Variants in AVL9 observed in about 807,000 individuals in gnomAD.
AVL9 encodes AVL9 cell migration associated.
AVL9 carries 49 observed loss-of-function variants against 79.2 expected under a neutral mutation model. That is an observed-to-expected ratio of 0.62 (90% CI 0.49 to 0.79). The LOEUF (loss-of-function observed/expected upper bound fraction) is 0.79, where lower values mean the gene tolerates loss of function less well. AVL9 is among the 30% of genes least tolerant of loss of function. The pLI, the probability that AVL9 is intolerant of heterozygous loss-of-function variation, is 0.00. For missense variants in AVL9, 682 were observed against 776.8 expected, an observed-to-expected ratio of 0.88 and a Z score of 1.45; for synonymous variants, 299 against 280.6, an observed-to-expected ratio of 1.07 and a Z score of -0.65.
intron 1 of AVL9, among the ~76,000 whole-genome samples, chr7:32,496,803 A>G (rs1276337069): frequency 6.6e-6 from 1 of 152,232 alleles, no homozygotes; most frequent in Non-Finnish European, 1.5e-5. Flanking sequence ...GAGTGAAAAA[A>G]TCGTGTTTGT....
intron 15 of AVL9, among the ~76,000 whole-genome samples, chr7:32,581,822 A>G (rs1791524070): frequency 6.6e-6 from 1 of 152,240 alleles, no homozygotes; most frequent in African/African-American, 2.4e-5. Flanking sequence ...AAAGAAAGAA[A>G]GAAATTAATT....
chr7:32,558,355 A>G (rs1790175832), intron 8 of AVL9, among the ~76,000 whole-genome samples: 1 of 151,322 alleles, frequency 6.6e-6, no homozygotes, highest in African/African-American at 2.4e-5. Flanking sequence ...ACGGGGTTTC[A>G]CCATGTTGGC....
At chr7:32,527,044 TATCACA>T (rs1410639888) in intron 1 of AVL9, among the ~76,000 whole-genome samples, 22 of 149,130 alleles carry the variant, frequency 1.5e-4, no homozygotes, top group African/African-American at 4.9e-4. Context: ...GGCCAAGGAC[TATCACA>T]GGAGAAGTGG....
intron 1 of AVL9, chr7:32,531,833 G>T: frequency 6.3e-6 from 1 of 158,468 alleles, no homozygotes; most frequent in East Asian, 1.8e-4. Flanking sequence ...CATCTAGGTG[G>T]GGGTGCTTGT....
intron 1 of AVL9, among the ~76,000 whole-genome samples, chr7:32,526,837 C>G (rs1788421866): frequency 6.6e-6 from 1 of 151,998 alleles, no homozygotes; most frequent in East Asian, 1.9e-4. Context: ...AAAGAGAGTC[C>G]CAATAGCAGT....
intron 12 of AVL9, among the ~76,000 whole-genome samples, chr7:32,574,117 CATT>C (rs1790979748): frequency 6.6e-6 from 1 of 152,070 alleles, no homozygotes; most frequent in Admixed American, 6.6e-5. Context: ...GTTAACTAAC[CATT>C]ATTTTTTTAA....
chr7:32,558,833 C>T, intron 9 of AVL9, 96 bp from the exon 10 acceptor site: 1 of 1,189,948 alleles, frequency 8.4e-7, no homozygotes, highest in South Asian at 1.7e-5. Context: ...ACAAGCATAG[C>T]TTATTAAATT....
At chr7:32,510,518 C>T (rs56245765) in intron 1 of AVL9, among the ~76,000 whole-genome samples, 26 of 145,642 alleles carry the variant, frequency 1.8e-4, no homozygotes, top group African/African-American at 6.1e-4. Context: ...AATCCACAGT[C>T]CTGGCACTTC....
At chr7:32,527,332 G>A (rs928935483) in intron 1 of AVL9, among the ~76,000 whole-genome samples, 4 of 152,160 alleles carry the variant, frequency 2.6e-5, no homozygotes, top group Non-Finnish European at 5.9e-5. Flanking sequence ...GATAACTTGC[G>A]ACAAAGCCTG....
intron 1 of AVL9, among the ~76,000 whole-genome samples, chr7:32,510,867 C>T (rs1465063026): frequency 9.6e-6 from 1 of 103,862 alleles, no homozygotes. Context: ...CATCAGGTCT[C>T]GTTGGGAGAA....
intron 1 of AVL9, among the ~76,000 whole-genome samples, chr7:32,501,458 T>C (rs1787121955): frequency 6.6e-6 from 1 of 152,254 alleles, no homozygotes; most frequent in Admixed American, 6.5e-5. Context: ...GGCCCTTCAC[T>C]GCACTTTTAT....
At chr7:32,543,538 T>C (rs1036407353) in intron 2 of AVL9, among the ~76,000 whole-genome samples, 3 of 152,204 alleles carry the variant, frequency 2.0e-5, no homozygotes, top group African/African-American at 7.2e-5. Context: ...CCTACATCTA[T>C]ACTTCATACT....
intron 1 of AVL9, among the ~76,000 whole-genome samples, chr7:32,525,463 A>G (rs1788361641): frequency 6.6e-6 from 1 of 152,216 alleles, no homozygotes; most frequent in Non-Finnish European, 1.5e-5. Flanking sequence ...ATAAGCTTAG[A>G]ACTTATTTTG....
At chr7:32,568,208 T>A (rs904391289) in intron 10 of AVL9, among the ~76,000 whole-genome samples, 24 of 148,028 alleles carry the variant, frequency 1.6e-4, no homozygotes, top group Non-Finnish European at 2.4e-4. Flanking sequence ...TTTATTTATT[T>A]TTTTTTTTTT....
rs1158958732 is a variant in AVL9 at position 32,570,089 on chromosome 7, T to G, written c.1285T>G (p.Phe429Val). The change falls in exon 11 of 16, where the codon TTT becomes GTT. Residue 429 changes from phenylalanine to valine, a missense_variant. By Grantham distance (50) the Phe-to-Val change is conservative. Coordinates refer to ENST00000318709, the MANE Select transcript of AVL9 (RefSeq NM_015060.3). ...HLLSDVTVRG[F>V]VAGATNILFR... ...TCTCTCCGATGTCACCGTTCGGGGG[T>G]TTGTTGCTGGAGCTACTAACATCCT... 2 of 1,614,066 alleles carry G rather than the reference T, an allele frequency of 1.2e-6. No individual in the cohort carries two copies. The highest frequency in any genetic ancestry group is 3.3e-5 in the Admixed American group (2 of 59,992).
At chr7:32,572,054 C>T (rs868036509) in intron 11 of AVL9, among the ~76,000 whole-genome samples, 19 of 150,304 alleles carry the variant, frequency 1.3e-4, no homozygotes, top group South Asian at 2.1e-4. Flanking sequence ...CCCAGCTACG[C>T]GGGAGGCTGA....
At chr7:32,545,543 AT>A (rs887915189) in intron 3 of AVL9, among the ~76,000 whole-genome samples, 2 of 150,692 alleles carry the variant, frequency 1.3e-5, no homozygotes, top group African/African-American at 2.4e-5. Flanking sequence ...TAATTTTTGT[AT>A]TTTTTTATGG....
chr7:32,503,367 T>TACACACACACACACACACACACACACAC lies in AVL9; in HGVS notation c.93+7566_93+7567insCACACACACACACACACACACACACACA, dbSNP rs1278670017. Among the ~76,000 whole-genome samples the TACACACACACACACACACACACACACAC allele has an allele frequency of 2.5e-3, 223 of 88,186 alleles. 2 individuals are homozygous for TACACACACACACACACACACACACACAC. Among genetic ancestry groups the TACACACACACACACACACACACACACAC allele is most frequent in the East Asian group, 5.4e-3 (14 of 2,606 alleles). The allele number at this position is 88,186 out of a possible 152,430, so 57.9% of individuals were successfully genotyped here. On this transcript the variant is annotated intron_variant, in intron 1 of 15. Transcript: ENST00000318709. ...ATAGATATAGATATAGAGAGATATATATATATACACACACACACACACACA... is the reference window on the plus strand; with the variant it reads ...ATAGATATAGATATAGAGAGATATATACACACACACACACACACACACACACACATATATACACACACACACACACACA...
intron 11 of AVL9, among the ~76,000 whole-genome samples, chr7:32,572,177 A>G (rs1425680628): frequency 1.3e-5 from 2 of 150,882 alleles, no homozygotes; most frequent in Non-Finnish European, 2.9e-5. Context: ...AAAAAGAAAA[A>G]AAAAAAATTC....
Sources: gnomAD v4.1 joint callset for allele counts (sites outside exome capture counted in the v4.1 genomes callset) on GRCh38, gnomAD v4.1.1 for gene constraint, MANE v1.5 for transcripts, NCBI Gene and HGNC (gene_info 2026-07-23, HGNC 2026-07-21) for gene names.